ATP10B: variants seen among roughly 807,000 people sequenced by gnomAD.
The protein encoded by ATP10B is phospholipid-transporting ATPase VB.
ATP10B carries 122 observed loss-of-function variants against 141.2 expected under a neutral mutation model. That is an observed-to-expected ratio of 0.86 (90% confidence interval 0.75 to 1.00). The LOEUF (loss-of-function observed/expected upper bound fraction) is 1.00, where lower values mean the gene tolerates loss of function less well. Among genes scored for constraint, ATP10B ranks in the 50% least tolerant of loss-of-function variants. The pLI, the probability that ATP10B is intolerant of heterozygous loss-of-function variation, is 0.00. For synonymous variants in ATP10B, 685 were observed against 692.0 expected (o/e 0.99, Z 0.16); for missense variants, 1,876 against 1,825.3 (o/e 1.03, Z -0.51).
Position 160,688,986 on chromosome 5 carries a change from G to T in ATP10B, c.-204-43C>A, listed in dbSNP as rs375915238. 1.1e-4 allele frequency: 108 copies of T among 963,918 alleles called. 1 individual carries two copies. The South Asian group carries it at 4.7e-3, about 42-fold the overall frequency. 59.7% of individuals were successfully genotyped at this position (963,918 alleles called of 1,614,324 possible). On this transcript the variant is annotated intron_variant, in intron 3 of 25. Coordinates refer to ENST00000327245, the MANE Select transcript of ATP10B (RefSeq NM_025153.3). ...ATTAAGCAGATGGTCTGCCCAGGTG[G>T]CAAAGAAATGCTGCTTTACAGCACA...
intron 2 of ATP10B, among the ~76,000 whole-genome samples, chr5:160,753,668 G>T (rs1321377120): frequency 6.6e-6 from 1 of 152,106 alleles, no homozygotes; most frequent in Non-Finnish European, 1.5e-5. Flanking sequence ...CTATTATGTG[G>T]CAGACATTAT....
chr5:160,729,743 A>G (rs181562575), intron 2 of ATP10B, among the ~76,000 whole-genome samples: 2 of 152,214 alleles, frequency 1.3e-5, no homozygotes, highest in Non-Finnish European at 2.9e-5. Context: ...TTTGAACTAT[A>G]AAGAGTGTTT....
chr5:160,823,788 C>T (rs1303627312), intron 1 of ATP10B, among the ~76,000 whole-genome samples: 11 of 152,068 alleles, frequency 7.2e-5, no homozygotes, highest in Middle Eastern at 3.4e-3. Flanking sequence ...GAGCTGAGAT[C>T]GCGGCGCTGC....
the ATP10B span, among the ~76,000 whole-genome samples, chr5:160,909,296 T>C: frequency 1.3e-5 from 2 of 152,262 alleles, no homozygotes; most frequent in African/African-American, 4.8e-5. Context: ...TGTGTGTGTG[T>C]GTTTTTTTTA....
chr5:160,812,050 G>GAGAGAGAGAGAGAA, intron 1 of ATP10B, among the ~76,000 whole-genome samples: 1 of 151,132 alleles, frequency 6.6e-6, no homozygotes, highest in Non-Finnish European at 1.5e-5. Context: ...GAGAGAGAGA[G>GAGAGAGAGAGAGAA]AGAGAGAGAG....
chr5:160,621,234 C>A (rs76121728), intron 14 of ATP10B, among the ~76,000 whole-genome samples: 1 of 152,152 alleles, frequency 6.6e-6, no homozygotes, highest in Non-Finnish European at 1.5e-5. Context: ...TCTTTGAGTG[C>A]GGTATCTCAT....
At chr5:160,928,235 G>A in the ATP10B span, among the ~76,000 whole-genome samples, 1 of 152,122 alleles carries the variant, frequency 6.6e-6, no homozygotes, top group African/African-American at 2.4e-5. Flanking sequence ...GAGTTGCACA[G>A]TCCCTGTATT....
chr5:160,650,191 TAC>T (rs1388027008), intron 7 of ATP10B, among the ~76,000 whole-genome samples: 21 of 151,232 alleles, frequency 1.4e-4, no homozygotes, highest in East Asian at 3.9e-4. Context: ...TATATACATG[TAC>T]ACACACACAT....
At chr5:160,791,259 T>G (rs567114735) in intron 1 of ATP10B, among the ~76,000 whole-genome samples, 1 of 152,206 alleles carries the variant, frequency 6.6e-6, no homozygotes, top group East Asian at 1.9e-4. Context: ...ATAAATAAAG[T>G]TGTGTTGTTT....
the ATP10B span, among the ~76,000 whole-genome samples, chr5:160,861,656 AAGG>A: frequency 1.3e-5 from 2 of 152,008 alleles, no homozygotes; most frequent in East Asian, 3.9e-4. Context: ...TGCTGAATAC[AAGG>A]AGAAGTATTG....
At chr5:160,621,677 T>C (rs1014374105) in intron 14 of ATP10B, among the ~76,000 whole-genome samples, 5 of 152,228 alleles carry the variant, frequency 3.3e-5, no homozygotes, top group Non-Finnish European at 7.3e-5. Context: ...AAACTTCTTG[T>C]CTTGGTTTCA....
chr5:160,764,841 C>G (rs947405203), intron 2 of ATP10B, among the ~76,000 whole-genome samples: 3 of 152,128 alleles, frequency 2.0e-5, no homozygotes, highest in African/African-American at 7.2e-5. Context: ...GTTCCTAGAT[C>G]TGATAAATGA....
intron 6 of ATP10B, among the ~76,000 whole-genome samples, chr5:160,679,692 A>G (rs1340613900): frequency 6.6e-6 from 1 of 152,238 alleles, no homozygotes; most frequent in Non-Finnish European, 1.5e-5. Context: ...TGCCATGGCA[A>G]TGCACACACT....
At chr5:160,684,987 A>G in intron 6 of ATP10B, 1 of 703,372 alleles carries the variant, frequency 1.4e-6, no homozygotes, top group Non-Finnish European at 2.6e-6. Flanking sequence ...CCACAGGGAT[A>G]AAATTCAGAA....
intron 2 of ATP10B, among the ~76,000 whole-genome samples, chr5:160,758,609 T>C (rs1391756624): frequency 1.3e-5 from 2 of 152,216 alleles, no homozygotes; most frequent in Non-Finnish European, 2.9e-5. Flanking sequence ...TGTCTTCCAG[T>C]CTCTGTGATA....
rs570766963 is a variant in ATP10B at position 160,640,289 on chromosome 5, C to T, written c.1000+172G>A. On this transcript the variant is annotated intron_variant, in intron 10 of 25. Coordinates refer to ENST00000327245, the MANE Select transcript of ATP10B (RefSeq NM_025153.3). ...TGATATTCTGAATAGTTAAAGAACA[C>T]ATACTACTTTTAGGAGATTTTCTCT... Among the ~76,000 whole-genome samples the T allele has an allele frequency of 4.0e-3, 612 of 152,300 alleles. 6 individuals are homozygous for T. The highest frequency in any genetic ancestry group is 0.014 in the African/African-American group (570 of 41,558).
At chr5:160,632,625 T>A (rs1459003873) in intron 12 of ATP10B, 1 of 266,344 alleles carries the variant, frequency 3.8e-6, no homozygotes, top group Non-Finnish European at 6.9e-6. Context: ...CAGAGGTTTT[T>A]TTTTTTTTTT....
intron 3 of ATP10B, among the ~76,000 whole-genome samples, chr5:160,690,077 G>C (rs571310560): frequency 9.2e-5 from 14 of 152,014 alleles, no homozygotes; most frequent in Non-Finnish European, 1.9e-4. Flanking sequence ...TCTGATCTTT[G>C]ACAAACCTGA....
intron 24 of ATP10B, among the ~76,000 whole-genome samples, chr5:160,570,980 T>C (rs1487201841): frequency 6.7e-6 from 1 of 149,746 alleles, no homozygotes; most frequent in African/African-American, 2.4e-5. Context: ...GAAATCTTTA[T>C]CTCTTAAAGC....
Sources: allele counts gnomAD v4.1 joint callset (sites outside exome capture counted in the v4.1 genomes callset), GRCh38; gene constraint gnomAD v4.1.1; transcripts MANE v1.5; gene names NCBI Gene and HGNC (gene_info 2026-07-23, HGNC 2026-07-21).